Variants in PRKN observed in about 807,000 individuals in gnomAD.
The protein encoded by PRKN is E3 ubiquitin-protein ligase parkin.
A neutral mutation model predicts 59.5 loss-of-function variants in PRKN; 56 were observed. The ratio of observed to expected loss-of-function variants is 0.94; its 90% confidence interval spans 0.76 to 1.18. The LOEUF is 1.18. Ranked by LOEUF, PRKN falls within the 50% of genes most tolerant of loss-of-function variation. PRKN has a pLI of 0.00. For synonymous variants in PRKN, 250 were observed against 222.1 expected, an observed-to-expected ratio of 1.13 and a Z score of -1.12; for missense variants, 657 against 596.4, an observed-to-expected ratio of 1.10 and a Z score of -1.06.
chr6:162,245,408 CT>C (rs962881299), intron 3 of PRKN, among the ~76,000 whole-genome samples: 3 of 151,928 alleles, frequency 2.0e-5, no homozygotes, highest in Non-Finnish European at 4.4e-5. Flanking sequence ...TTTCCAAAGC[CT>C]TTTGAACCAA....
intron 7 of PRKN, among the ~76,000 whole-genome samples, chr6:161,608,906 A>G (rs969448026): frequency 6.6e-6 from 1 of 152,104 alleles, no homozygotes; most frequent in Admixed American, 6.6e-5. Context: ...TATTACTATA[A>G]TTAGGCTGCA....
chr6:161,868,301 C>T (rs1051962960), intron 6 of PRKN, among the ~76,000 whole-genome samples: 7 of 150,364 alleles, frequency 4.7e-5, no homozygotes, highest in African/African-American at 1.2e-4. Context: ...ACTTTGGGCC[C>T]GGCGCAGTGG....
chr6:161,752,282 A>G (rs539232565), intron 7 of PRKN, among the ~76,000 whole-genome samples: 1 of 152,236 alleles, frequency 6.6e-6, no homozygotes, highest in South Asian at 2.1e-4. Flanking sequence ...AGGCAGGAGA[A>G]TTGCTTGAAC....
At chr6:162,033,827 C>G (rs1562474001) in intron 5 of PRKN, among the ~76,000 whole-genome samples, 1 of 152,098 alleles carries the variant, frequency 6.6e-6, no homozygotes, top group African/African-American at 2.4e-5. Context: ...TCTTTTCTAT[C>G]TTGTTTATTT....
At chr6:161,534,042 T>C (rs12193185) in intron 9 of PRKN, among the ~76,000 whole-genome samples, 24,539 of 151,996 alleles carry the variant, frequency 0.16, 2,369 homozygotes, top group Middle Eastern at 0.29. Context: ...GATCTGATCA[T>C]GTCACTTCCC....
At chr6:161,358,636 C>T (rs1400146734) in intron 11 of PRKN, among the ~76,000 whole-genome samples, 6 of 151,948 alleles carry the variant, frequency 3.9e-5, no homozygotes, top group Admixed American at 1.3e-4. Flanking sequence ...ACACCCTTGT[C>T]AGCGAAATAC....
chr6:161,686,626 C>T (rs1785567404), intron 7 of PRKN, among the ~76,000 whole-genome samples: 1 of 152,162 alleles, frequency 6.6e-6, no homozygotes, highest in African/African-American at 2.4e-5. Context: ...GAGTCTGTTG[C>T]CAAGATTTTC....
intron 1 of PRKN, among the ~76,000 whole-genome samples, chr6:162,604,032 C>T (rs1225235527): frequency 1.3e-5 from 2 of 152,154 alleles, no homozygotes; most frequent in Non-Finnish European, 2.9e-5. Flanking sequence ...ACCAAGTCAA[C>T]ACCTCCCTCT....
At chr6:162,627,817 A>T (rs1467419345) in intron 1 of PRKN, among the ~76,000 whole-genome samples, 2 of 152,320 alleles carry the variant, frequency 1.3e-5, no homozygotes, top group East Asian at 3.9e-4. Context: ...TTTGAATACT[A>T]GGAGAGATGT....
chr6:161,567,031 T>TGTG (rs1401421404), intron 8 of PRKN, among the ~76,000 whole-genome samples: 19 of 117,050 alleles, frequency 1.6e-4, no homozygotes, highest in African/African-American at 6.1e-4. Context: ...TGTTTTTTTT[T>TGTG]TTTTTTTGTG....
At chr6:162,335,781 A>G (rs1426276465) in intron 2 of PRKN, among the ~76,000 whole-genome samples, 1 of 151,974 alleles carries the variant, frequency 6.6e-6, no homozygotes, top group East Asian at 1.9e-4. Context: ...CAGGCCTGCC[A>G]TTCCTTCAGA....
Position 161,902,556 on chromosome 6 carries a change from A to ATCTCTTTTTTT in PRKN, c.734+70745_734+70746insAAAAAAAGAGA, listed in dbSNP as rs1382089937. On this transcript the variant is annotated intron_variant, in intron 6 of 11. Coordinates refer to ENST00000366898, the MANE Select transcript of PRKN (RefSeq NM_004562.3). ...TATCTATCTATCTATCTATTTATTT[A>ATCTCTTTTTTT]TTTATTTATTTTTTTTTTTTTGCGA... Among the ~76,000 whole-genome samples, 2 of 118,200 alleles carry ATCTCTTTTTTT rather than the reference A, an allele frequency of 1.7e-5. 1 individual carries two copies. Among genetic ancestry groups the ATCTCTTTTTTT allele is most frequent in the African/African-American group, 7.0e-5 (2 of 28,516 alleles). The allele number at this position is 118,200 out of a possible 152,430, so 77.5% of individuals were successfully genotyped here. A position where few individuals can be genotyped will look rare whatever the true frequency, so the allele number is the denominator to read the frequency against.
At chr6:162,505,637 T>C (rs1793575388) in intron 1 of PRKN, among the ~76,000 whole-genome samples, 2 of 152,124 alleles carry the variant, frequency 1.3e-5, no homozygotes, top group African/African-American at 4.8e-5. Context: ...ACAATTAACA[T>C]AAATCTTAAG....
At chr6:162,707,432 G>A (rs1778376183) in intron 1 of PRKN, among the ~76,000 whole-genome samples, 1 of 152,084 alleles carries the variant, frequency 6.6e-6, no homozygotes, top group African/African-American at 2.4e-5. Flanking sequence ...ATTTACCATG[G>A]CAGGAAAAAG....
At chr6:161,915,275 A>G (rs1778512206) in intron 6 of PRKN, among the ~76,000 whole-genome samples, 1 of 151,844 alleles carries the variant, frequency 6.6e-6, no homozygotes, top group Non-Finnish European at 1.5e-5. Context: ...ACAGAGTGAG[A>G]CTCTGTTTAA....
At chr6:162,671,155 A>G (rs1300322573) in intron 1 of PRKN, among the ~76,000 whole-genome samples, 4 of 152,180 alleles carry the variant, frequency 2.6e-5, no homozygotes, top group Non-Finnish European at 5.9e-5. Context: ...ATCCCGTCTA[A>G]CATTCTTTTC....
At chr6:162,308,673 T>C (rs1432093333) in intron 2 of PRKN, among the ~76,000 whole-genome samples, 1 of 152,132 alleles carries the variant, frequency 6.6e-6, no homozygotes, top group Non-Finnish European at 1.5e-5. Flanking sequence ...AATACTAGAG[T>C]ACCCATCTGT....
intron 4 of PRKN, among the ~76,000 whole-genome samples, chr6:162,127,943 A>G (rs1324771257): frequency 1.3e-5 from 2 of 152,016 alleles, no homozygotes; most frequent in African/African-American, 4.8e-5. Context: ...TCTTCACACT[A>G]TTTCTTCTGC....
chr6:162,706,497 A>C (rs567642424), intron 1 of PRKN, among the ~76,000 whole-genome samples: 88 of 152,340 alleles, frequency 5.8e-4, no homozygotes, highest in African/African-American at 2.0e-3. Flanking sequence ...CTGTTAGGAA[A>C]GAAATAAGAG....
Sources: gnomAD v4.1 joint callset for allele counts (sites outside exome capture counted in the v4.1 genomes callset) on GRCh38, gnomAD v4.1.1 for gene constraint, MANE v1.5 for transcripts, NCBI Gene and HGNC (gene_info 2026-07-23, HGNC 2026-07-21) for gene names.